BICC1: variants seen among roughly 807,000 people sequenced by gnomAD.
BICC1 encodes the protein protein bicaudal C homolog 1.
A neutral mutation model predicts 111.0 loss-of-function variants in BICC1; 43 were observed. The observed-to-expected ratio is 0.39, with a 90% CI of 0.30 to 0.50. BICC1 has a LOEUF of 0.50. Ranked by LOEUF, BICC1 falls within the 20% of genes least tolerant of loss-of-function variation. BICC1 has a pLI of 0.88. For synonymous variants in BICC1, 467 were observed against 434.4 expected (o/e 1.07, Z -0.93); for missense variants, 1,091 against 1,203.2 (o/e 0.91, Z 1.38).
At chr10:58,711,392 A>G (rs1840567563) in intron 3 of BICC1, among the ~76,000 whole-genome samples, 1 of 152,160 alleles carries the variant, frequency 6.6e-6, no homozygotes. Context: ...TAAAACGACT[A>G]CTTTTAGATA....
chr10:58,674,317 G>A (rs77893026), intron 2 of BICC1, among the ~76,000 whole-genome samples: 4 of 150,260 alleles, frequency 2.7e-5, no homozygotes, highest in Non-Finnish European at 5.9e-5. Flanking sequence ...TTTTTTTTTC[G>A]TGGTAGAGTG....
At chr10:58,808,465 T>G (rs534362200) in intron 17 of BICC1, among the ~76,000 whole-genome samples, 105 of 152,304 alleles carry the variant, frequency 6.9e-4, no homozygotes, top group Non-Finnish European at 1.2e-3. Context: ...ATGAAGTATT[T>G]GCTTTAGAAA....
At chr10:58,662,609 G>T (rs978060262) in intron 2 of BICC1, among the ~76,000 whole-genome samples, 1 of 152,108 alleles carries the variant, frequency 6.6e-6, no homozygotes, top group East Asian at 1.9e-4. Context: ...TGATTATCTC[G>T]TATTACAATG....
rs1487170423 is a variant in BICC1 at position 58,732,375 on chromosome 10, GTATGTATATATATATATATATATATATA to G, written c.307+30236_307+30263del. ...TGTATGTGTGTGTGTGTGTGTGTGT[GTATGTATATATATATATATATATATATA>G]TATATATATATATATATATATATAT... On this transcript the variant is annotated intron_variant, in intron 3 of 20. Coordinates refer to ENST00000373886, the MANE Select transcript of BICC1 (RefSeq NM_001080512.3). Among the ~76,000 whole-genome samples, 31 of 6,084 alleles carry G rather than the reference GTATGTATATATATATATATATATATATA, an allele frequency of 5.1e-3. 3 individuals carry two copies. Among genetic ancestry groups the G allele is most frequent in the South Asian group, 0.018 (4 of 228 alleles). The allele number at this position is 6,084 out of a possible 152,430, so 4.0% of individuals were successfully genotyped here. A position where few individuals can be genotyped will look rare whatever the true frequency, so the allele number is the denominator to read the frequency against.
chr10:58,614,320 C>T (rs74530547), intron 1 of BICC1, among the ~76,000 whole-genome samples: 1,717 of 152,222 alleles, frequency 0.011, 16 homozygotes, highest in Non-Finnish European at 0.017. Flanking sequence ...GACTCAACAC[C>T]GTTTGCACCT....
chr10:58,579,444 T>C (rs1363578615), intron 1 of BICC1, among the ~76,000 whole-genome samples: 1 of 152,210 alleles, frequency 6.6e-6, no homozygotes, highest in Non-Finnish European at 1.5e-5. Context: ...CGTGCAGGCA[T>C]TATTCATGGT....
chr10:58,528,607 T>C (rs1010358276), intron 1 of BICC1, among the ~76,000 whole-genome samples: 1 of 151,910 alleles, frequency 6.6e-6, no homozygotes, highest in South Asian at 2.1e-4. Context: ...ACTAAAATTA[T>C]CATTGAGTTA....
chr10:58,602,593 G>T (rs541007657), intron 1 of BICC1, among the ~76,000 whole-genome samples: 3 of 152,254 alleles, frequency 2.0e-5, no homozygotes, highest in South Asian at 4.1e-4. Context: ...TGATGGCTTA[G>T]CCCTCAAAGC....
intron 3 of BICC1, among the ~76,000 whole-genome samples, chr10:58,783,127 G>T (rs543968601): frequency 6.6e-6 from 1 of 152,166 alleles, no homozygotes; most frequent in Non-Finnish European, 1.5e-5. Context: ...CCTGTGACAG[G>T]TTAAGTGTCA....
At chr10:58,797,684 A>G (rs1422465591) in intron 10 of BICC1, among the ~76,000 whole-genome samples, 1 of 152,204 alleles carries the variant, frequency 6.6e-6, no homozygotes, top group Non-Finnish European at 1.5e-5. Context: ...CTATCCTGTT[A>G]TATACTTTAT....
At chr10:58,611,847 GA>G (rs1470285556) in intron 1 of BICC1, among the ~76,000 whole-genome samples, 1 of 151,808 alleles carries the variant, frequency 6.6e-6, no homozygotes. Flanking sequence ...TTGACCATGG[GA>G]ATTTAACTGC....
At chr10:58,765,689 T>C (rs998694511) in intron 3 of BICC1, among the ~76,000 whole-genome samples, 7 of 152,292 alleles carry the variant, frequency 4.6e-5, no homozygotes, top group African/African-American at 1.7e-4. Context: ...GTCTAACATT[T>C]TACCAACTAA....
At chr10:58,739,152 T>C (rs1013160977) in intron 3 of BICC1, among the ~76,000 whole-genome samples, 17 of 152,214 alleles carry the variant, frequency 1.1e-4, no homozygotes, top group African/African-American at 3.9e-4. Flanking sequence ...AGGGCATCCC[T>C]GTCTTGTGCC....
At chr10:58,617,465 G>A (rs1845654583) in intron 1 of BICC1, among the ~76,000 whole-genome samples, 1 of 152,232 alleles carries the variant, frequency 6.6e-6, no homozygotes, top group African/African-American at 2.4e-5. Flanking sequence ...TAGTCCTAAT[G>A]GAAGATAAGG....
Position 58,823,930 on chromosome 10 carries a change from CTG to C in BICC1, c.2794+3466_2794+3467del, listed in dbSNP as rs1327437787. 6.1e-6 allele frequency: 6 copies of C among 985,216 alleles called. No individual in the cohort carries two copies. The African/African-American group carries it at 8.7e-5, about 14-fold the overall frequency. The allele number at this position is 985,216 out of a possible 1,614,324, so 61.0% of individuals were successfully genotyped here. ...GATACATGTATTCAGCTTTTAATAA[CTG>C]TGTTTCTGGAGGAACTTGAAACAAC... On this transcript the variant is annotated intron_variant, in intron 20 of 20. Transcript: ENST00000373886.
chr10:58,717,046 G>A (rs1840767587), intron 3 of BICC1, among the ~76,000 whole-genome samples: 1 of 152,114 alleles, frequency 6.6e-6, no homozygotes, highest in African/African-American at 2.4e-5. Context: ...ATATTTTTTA[G>A]CATTAGAATG....
intron 1 of BICC1, among the ~76,000 whole-genome samples, chr10:58,578,431 A>G (rs931549940): frequency 2.0e-5 from 3 of 152,128 alleles, no homozygotes; most frequent in African/African-American, 7.2e-5. Context: ...ATTGATAGAA[A>G]ACTTGCGGGG....
chr10:58,796,943 G>A (rs187763625), intron 10 of BICC1, among the ~76,000 whole-genome samples: 37 of 152,036 alleles, frequency 2.4e-4, no homozygotes, highest in African/African-American at 8.7e-4. Context: ...GGTGGGGAGG[G>A]GGGTGAAAAT....
chr10:58,571,903 A>C (rs959790304), intron 1 of BICC1, among the ~76,000 whole-genome samples: 4 of 152,178 alleles, frequency 2.6e-5, no homozygotes, highest in African/African-American at 9.7e-5. Flanking sequence ...TCTTTGAGGA[A>C]TCACCACATT....
Sources: allele counts gnomAD v4.1 joint callset (sites outside exome capture counted in the v4.1 genomes callset), GRCh38; gene constraint gnomAD v4.1.1; transcripts MANE v1.5; gene names NCBI Gene and HGNC (gene_info 2026-07-23, HGNC 2026-07-21).